TMEM39A: variants seen among roughly 807,000 people sequenced by gnomAD.
TMEM39A encodes transmembrane protein 39A, also known as suppressor of SQST-1 aggregates in rpl-43 mutants.
Under a neutral mutation model 51.9 loss-of-function variants are expected in TMEM39A, and 19 were observed. That is an observed-to-expected ratio of 0.37 (90% CI 0.26 to 0.54). The LOEUF is 0.54. Ranked by LOEUF, TMEM39A falls within the 20% of genes least tolerant of loss-of-function variation. The pLI is 0.88. For missense variants in TMEM39A, 433 were observed against 590.5 expected, an observed-to-expected ratio of 0.73 and a Z score of 2.76; for synonymous variants, 197 against 220.2, an observed-to-expected ratio of 0.89 and a Z score of 0.93.
intron 8 of TMEM39A, among the ~76,000 whole-genome samples, chr3:119,433,879 G>A (rs1298573373): frequency 2.0e-5 from 3 of 152,140 alleles, no homozygotes; most frequent in African/African-American, 4.8e-5. Context: ...ATGCCCAGGG[G>A]CAAGTTCCCA....
rs1409072885 is a variant in TMEM39A, at chr3:119,452,508, T to C, written c.359A>G (p.His120Arg). The change falls in exon 4 of 9, where the codon CAT becomes CGT. Residue 120 changes from histidine to arginine, a missense_variant. This residue lies in a region of TMEM39A where 170 missense variants were observed against 239.8 expected (regional missense o/e 0.71). Transcript: ENST00000319172. Reference protein sequence around the residue: ...TSLNFHLIDYHLAAFITVMLA... With the variant: ...TSLNFHLIDYRLAAFITVMLA... ...CATCACTGTGATGAATGCTGCCAGA[T>C]GATAATCAATGAGATGAAAATTCTA... 1.9e-6 allele frequency: 3 copies of C among 1,613,454 alleles called. No homozygotes were observed. Among genetic ancestry groups the C allele is most frequent in the Non-Finnish European group, 2.5e-6 (3 of 1,179,674 alleles).
At chr3:119,440,057 C>G (rs184423851) in intron 5 of TMEM39A, among the ~76,000 whole-genome samples, 1 of 152,040 alleles carries the variant, frequency 6.6e-6, no homozygotes, top group Non-Finnish European at 1.5e-5. Context: ...TGTAAGCCAC[C>G]GCACCCAGAC....
chr3:119,457,001 C>T (rs1021251875), intron 3 of TMEM39A, among the ~76,000 whole-genome samples: 4 of 148,726 alleles, frequency 2.7e-5, no homozygotes, highest in African/African-American at 9.9e-5. Flanking sequence ...GACAGAGTCT[C>T]GCTCTGTCGC....
chr3:119,443,967 A>G (rs2081091276), intron 5 of TMEM39A, among the ~76,000 whole-genome samples: 1 of 152,180 alleles, frequency 6.6e-6, no homozygotes, highest in Admixed American at 6.5e-5. Flanking sequence ...CATAACTTTC[A>G]TATGCACTAG....
chr3:119,457,206 G>A (rs1347508278), intron 3 of TMEM39A, among the ~76,000 whole-genome samples: 3 of 151,992 alleles, frequency 2.0e-5, no homozygotes, highest in Non-Finnish European at 4.4e-5. Flanking sequence ...TCTTAACTTC[G>A]TGATCCGCCC....
intron 5 of TMEM39A, chr3:119,446,534 T>C (rs1366809182): frequency 1.3e-5 from 2 of 153,274 alleles, no homozygotes; most frequent in African/African-American, 4.8e-5. Context: ...AATTTTCTAT[T>C]TAATGTTTCT....
In TMEM39A at chr3:119,447,614, TTTA is replaced by T. The variant is rs978254475; in HGVS notation, c.421-445_421-443del. 3.3e-4 allele frequency among the ~76,000 whole-genome samples: 50 copies of T among 152,134 alleles called. 1 individual carries two copies. Among genetic ancestry groups the T allele is most frequent in the Middle Eastern group, 6.8e-3 (2 of 294 alleles). On this transcript the variant is annotated intron_variant, in intron 4 of 8. Transcript: ENST00000319172. The stretch of plus-strand genomic sequence containing the variant: ...ACTTAACCAGTGTTTTATTTATTTA[TTTA>T]TTTTTAATTTTTTTTTTTCGAGACA...
intron 4 of TMEM39A, among the ~76,000 whole-genome samples, chr3:119,451,825 C>T (rs1389304013): frequency 1.5e-3 from 131 of 85,896 alleles, no homozygotes; most frequent in Non-Finnish European, 2.9e-4. Context: ...AGTGAAACTC[C>T]GTCTCAAAAA....
chr3:119,444,495 A>G (rs2081097121), intron 5 of TMEM39A, among the ~76,000 whole-genome samples: 1 of 152,230 alleles, frequency 6.6e-6, no homozygotes, highest in South Asian at 2.1e-4. Flanking sequence ...CTGTTTAAAC[A>G]ATGTAATCAG....
intron 7 of TMEM39A, chr3:119,435,595 T>C (rs1245801816): frequency 2.1e-6 from 2 of 961,072 alleles, no homozygotes; most frequent in African/African-American, 1.8e-5. Flanking sequence ...AAAAAAAAAA[T>C]CTAAGTTAAT....
chr3:119,430,772 G>C lies in TMEM39A; in HGVS notation c.*1209C>G, dbSNP rs916138610. The C allele has an allele frequency of 8.5e-5, 13 of 152,086 alleles. No individual in the cohort carries two copies. The highest frequency in any genetic ancestry group is 3.1e-4 in the African/African-American group (13 of 41,420). The allele number at this position is 152,086 out of a possible 1,614,324, so 9.4% of individuals were successfully genotyped here. A position where few individuals can be genotyped will look rare whatever the true frequency, so the allele number is the denominator to read the frequency against. On this transcript the variant is annotated 3_prime_UTR_variant, in exon 9 of 9. Coordinates refer to ENST00000319172, the MANE Select transcript of TMEM39A (RefSeq NM_018266.3). The stretch of plus-strand genomic sequence containing the variant: ...CAAGAATTATTTTCAGAGCCAGCTT[G>C]TCAACGACATGATTGGTCTTTTTAC...
chr3:119,449,347 G>A (rs1278745732), intron 4 of TMEM39A, among the ~76,000 whole-genome samples: 2 of 152,214 alleles, frequency 1.3e-5, no homozygotes, highest in African/African-American at 4.8e-5. Context: ...GCAGAGGCAG[G>A]TGGATCACCT....
intron 7 of TMEM39A, among the ~76,000 whole-genome samples, chr3:119,436,108 G>C (rs143530486): frequency 1.3e-5 from 2 of 152,280 alleles, no homozygotes; most frequent in Non-Finnish European, 2.9e-5. Flanking sequence ...TGAAAGAAAA[G>C]TATGATGAAG....
At chr3:119,460,740 C>T (rs1189417841) in intron 2 of TMEM39A, among the ~76,000 whole-genome samples, 1 of 152,240 alleles carries the variant, frequency 6.6e-6, no homozygotes, top group Middle Eastern at 3.4e-3. Context: ...AGTTAGGAGG[C>T]AAAGTTAGAA....
At chr3:119,453,062 A>G (rs185310896) in intron 3 of TMEM39A, among the ~76,000 whole-genome samples, 3 of 152,340 alleles carry the variant, frequency 2.0e-5, no homozygotes, top group Admixed American at 1.3e-4. Flanking sequence ...CTTCTAAAAA[A>G]TAATAGCATT....
chr3:119,450,315 A>G (rs1560017095), intron 4 of TMEM39A, among the ~76,000 whole-genome samples: 1 of 152,168 alleles, frequency 6.6e-6, no homozygotes, highest in South Asian at 2.1e-4. Flanking sequence ...GTCTCATTTT[A>G]AACACTGTTC....
intron 5 of TMEM39A, among the ~76,000 whole-genome samples, chr3:119,445,793 T>C (rs1028694202): frequency 1.1e-4 from 16 of 152,374 alleles, no homozygotes; most frequent in Non-Finnish European, 1.9e-4. Flanking sequence ...GGCAGAATCA[T>C]CTGGGTAAGG....
At chr3:119,450,519 C>T (rs1273610509) in intron 4 of TMEM39A, among the ~76,000 whole-genome samples, 1 of 151,978 alleles carries the variant, frequency 6.6e-6, no homozygotes, top group Non-Finnish European at 1.5e-5. Flanking sequence ...TATTCTGTTC[C>T]CATTAAGAAC....
chr3:119,462,833 A>C (rs1215506785), intron 1 of TMEM39A, among the ~76,000 whole-genome samples: 1 of 151,942 alleles, frequency 6.6e-6, no homozygotes, highest in Non-Finnish European at 1.5e-5. Flanking sequence ...GTGTAAAATC[A>C]TACAGAAATT....
Sources: gnomAD v4.1 joint callset for allele counts (sites outside exome capture counted in the v4.1 genomes callset) on GRCh38, gnomAD v4.1.1 for gene constraint, gnomAD v4.1.1 regional missense constraint, MANE v1.5 for transcripts, NCBI Gene and HGNC (gene_info 2026-07-23, HGNC 2026-07-21) for gene names.